VDR: variants seen among roughly 807,000 people sequenced by gnomAD.
VDR encodes the protein vitamin D3 receptor.
In VDR, 19 loss-of-function variants were observed where a neutral mutation model predicts 39.7. The observed-to-expected ratio is 0.48, with a 90% CI of 0.33 to 0.70. The LOEUF is 0.70. Ranked by LOEUF, VDR falls within the 30% of genes least tolerant of loss-of-function variation. VDR has a pLI of 0.02. For synonymous variants in VDR, 242 were observed against 215.8 expected, an observed-to-expected ratio of 1.12 and a Z score of -1.07; for missense variants, 442 against 570.5, an observed-to-expected ratio of 0.77 and a Z score of 2.29.
At chr12:47,876,737 C>G (rs1039275233) in intron 3 of VDR, among the ~76,000 whole-genome samples, 1 of 152,230 alleles carries the variant, frequency 6.6e-6, no homozygotes, top group Non-Finnish European at 1.5e-5. Flanking sequence ...CAGGACCTGT[C>G]CTCTCTCCAC....
intron 2 of VDR, 44 bp from the exon 3 acceptor site, chr12:47,879,159 G>T (rs770238728): frequency 1.3e-6 from 2 of 1,597,952 alleles, no homozygotes; most frequent in Non-Finnish European, 1.7e-6. Flanking sequence ...CAGAGTCAGT[G>T]CCAGGGCCAG....
At chr12:47,864,107 G>A (rs1009798807) in intron 4 of VDR, among the ~76,000 whole-genome samples, 8 of 152,172 alleles carry the variant, frequency 5.3e-5, no homozygotes, top group African/African-American at 1.7e-4. Context: ...TCCTAGGGCC[G>A]GGTGGGGGTC....
At chr12:47,878,892 A>G in intron 3 of VDR, 76 bp downstream of exon 3, 1 of 1,610,204 alleles carries the variant, frequency 6.2e-7, no homozygotes, top group South Asian at 1.1e-5. Context: ...TGAAAAATGC[A>G]AGGGCTCCCT....
intron 1 of VDR, among the ~76,000 whole-genome samples, chr12:47,900,841 G>A (rs570841085): frequency 7.6e-4 from 116 of 152,250 alleles, no homozygotes; most frequent in African/African-American, 2.8e-3. Flanking sequence ...CCGCTTTCCC[G>A]CCGGTGCAGC....
At chr12:47,845,702 G>T (rs1305713083) in intron 9 of VDR, among the ~76,000 whole-genome samples, 1 of 152,120 alleles carries the variant, frequency 6.6e-6, no homozygotes, top group Non-Finnish European at 1.5e-5. Flanking sequence ...GCTGGGCAGG[G>T]GTAGAGGAGC....
chr12:47,904,826 T>C, intron 1 of VDR, 129 bp downstream of exon 1: 6 of 498,054 alleles, frequency 1.2e-5, no homozygotes, highest in Non-Finnish European at 2.1e-5. Flanking sequence ...CGGACCTCAG[T>C]AGCCAAGTTT....
At chr12:47,874,164 T>G (rs556199776) in intron 3 of VDR, among the ~76,000 whole-genome samples, 96 of 152,368 alleles carry the variant, frequency 6.3e-4, no homozygotes, top group Non-Finnish European at 1.1e-3. Flanking sequence ...ACATTACTCT[T>G]GGAACATCCA....
intron 1 of VDR, among the ~76,000 whole-genome samples, chr12:47,902,740 C>T (rs1340352362): frequency 6.6e-6 from 1 of 152,190 alleles, no homozygotes; most frequent in East Asian, 1.9e-4. Context: ...GATGCCTATT[C>T]CAGCCAGGAC....
intron 3 of VDR, among the ~76,000 whole-genome samples, chr12:47,873,569 G>A (rs1292111273): frequency 1.3e-5 from 2 of 151,142 alleles, no homozygotes; most frequent in African/African-American, 4.9e-5. Flanking sequence ...CACCGTGTTA[G>A]CCAGGATGGT....
intron 1 of VDR, among the ~76,000 whole-genome samples, chr12:47,886,364 G>A (rs1399128855): frequency 6.6e-6 from 1 of 152,128 alleles, no homozygotes; most frequent in African/African-American, 2.4e-5. Flanking sequence ...TCTTTATTCT[G>A]GTGCATAACT....
chr12:47,883,554 G>A (rs1312704791), intron 1 of VDR, among the ~76,000 whole-genome samples: 1 of 152,180 alleles, frequency 6.6e-6, no homozygotes, highest in Non-Finnish European at 1.5e-5. Context: ...GGGCAGAATA[G>A]TATCCTTTCC....
At chr12:47,900,013 T>C (rs1050355435) in intron 1 of VDR, 4 of 937,482 alleles carry the variant, frequency 4.3e-6, no homozygotes, top group East Asian at 1.1e-4. Context: ...TAGCTCCCCA[T>C]TGGCCAATGG....
intron 1 of VDR, among the ~76,000 whole-genome samples, chr12:47,894,227 C>T (rs1287750287): frequency 6.6e-6 from 1 of 152,208 alleles, no homozygotes; most frequent in Non-Finnish European, 1.5e-5. Context: ...TCTTTCCCTC[C>T]TGGTGGTTAG....
intron 6 of VDR, among the ~76,000 whole-genome samples, chr12:47,856,861 C>T (rs1370945413): frequency 1.3e-5 from 2 of 152,232 alleles, no homozygotes; most frequent in African/African-American, 4.8e-5. Context: ...GGGCTGAAGC[C>T]TGGCTTAGAG....
chr12:47,889,031 A>G (rs1404897914), intron 1 of VDR, among the ~76,000 whole-genome samples: 3 of 152,158 alleles, frequency 2.0e-5, no homozygotes, highest in East Asian at 1.9e-4. Context: ...CATATGTACA[A>G]TTATTATGTG....
At chr12:47,866,374 C>T (rs562004513) in intron 3 of VDR, among the ~76,000 whole-genome samples, 4 of 152,342 alleles carry the variant, frequency 2.6e-5, no homozygotes, top group South Asian at 2.1e-4. Flanking sequence ...GGATTACAGG[C>T]GTAAGCCACT....
At chr12:47,865,324 C>T in intron 3 of VDR, 147 bp from the exon 4 acceptor site, 1 of 1,218,644 alleles carries the variant, frequency 8.2e-7, no homozygotes, top group Non-Finnish European at 1.2e-6. Context: ...TCACTCTCAC[C>T]TCTAGGCTGG....
chr12:47,865,465 G>A (rs1242821454), intron 3 of VDR, among the ~76,000 whole-genome samples: 1 of 152,178 alleles, frequency 6.6e-6, no homozygotes, highest in African/African-American at 2.4e-5. Flanking sequence ...AGGCTGGAAT[G>A]CAGTGGCATG....
intron 3 of VDR, among the ~76,000 whole-genome samples, chr12:47,876,858 C>T (rs1262942522): frequency 6.6e-6 from 1 of 152,206 alleles, no homozygotes; most frequent in Non-Finnish European, 1.5e-5. Context: ...GAACTGGCCT[C>T]CAATGTGTCA....
Sources: allele counts gnomAD v4.1 joint callset (sites outside exome capture counted in the v4.1 genomes callset), GRCh38; gene constraint gnomAD v4.1.1; transcripts MANE v1.5; gene names NCBI Gene and HGNC (gene_info 2026-07-23, HGNC 2026-07-21).